Variants in RANBP2 observed in about 807,000 individuals in gnomAD.
RANBP2 encodes the protein RAN binding protein 2.
RANBP2 carries 57 observed loss-of-function variants against 303.6 expected under a neutral mutation model. The ratio of observed to expected loss-of-function variants is 0.19; its 90% CI spans 0.15 to 0.23. The LOEUF is 0.23. RANBP2 is among the 10% of genes least tolerant of loss of function. RANBP2 has a pLI of 1.00. For synonymous variants in RANBP2, 1,167 were observed against 1,301.5 expected (o/e 0.90, Z 2.23); for missense variants, 3,138 against 3,780.8 (o/e 0.83, Z 4.46).
the RANBP2 span, among the ~76,000 whole-genome samples, chr2:108,958,604 C>A: frequency 9.2e-5 from 14 of 152,268 alleles, no homozygotes; most frequent in South Asian, 2.1e-3. Flanking sequence ...CGCCCTATTG[C>A]TCGGGACAGC....
chr2:109,428,170 A>C, the RANBP2 span, among the ~76,000 whole-genome samples: 2 of 152,340 alleles, frequency 1.3e-5, no homozygotes, highest in Middle Eastern at 3.4e-3. Context: ...CCCTGGGAGA[A>C]AAGTAGAAGT....
the RANBP2 span, among the ~76,000 whole-genome samples, chr2:109,372,787 T>TC: frequency 1.3e-5 from 2 of 152,004 alleles, no homozygotes; most frequent in South Asian, 2.1e-4. Flanking sequence ...GCTCCATGTG[T>TC]CCCCCCTGCC....
chr2:109,428,118 G>A, the RANBP2 span, among the ~76,000 whole-genome samples: 1 of 152,230 alleles, frequency 6.6e-6, no homozygotes. Flanking sequence ...GATGGAAGAG[G>A]TGAGGAGGAA....
chr2:108,898,123 C>G, the RANBP2 span, among the ~76,000 whole-genome samples: 4,346 of 152,252 alleles, frequency 0.029, 195 homozygotes, highest in African/African-American at 0.1. Flanking sequence ...AATAATTGCT[C>G]TATTCCAGCC....
At chr2:108,965,715 T>A in the RANBP2 span, among the ~76,000 whole-genome samples, 4 of 151,816 alleles carry the variant, frequency 2.6e-5, no homozygotes. Context: ...GTAATTGGGG[T>A]TTGATGTAGG....
At chr2:108,837,321 A>G in the RANBP2 span, among the ~76,000 whole-genome samples, 1 of 152,192 alleles carries the variant, frequency 6.6e-6, no homozygotes, top group South Asian at 2.1e-4. Flanking sequence ...CATTTTGTTA[A>G]AATGGTATAT....
the RANBP2 span, among the ~76,000 whole-genome samples, chr2:109,586,295 A>C: frequency 3.9e-5 from 6 of 152,216 alleles, no homozygotes; most frequent in Non-Finnish European, 5.9e-5. Context: ...TACTGGTAAC[A>C]ATTACAAGCA....
rs1379090552 is a variant in RANBP2 at position 108,765,863 on chromosome 2, T to A, written c.5324T>A (p.Phe1775Tyr). The A allele has an allele frequency of 1.2e-6, 2 of 1,613,960 alleles. No individual in the cohort carries two copies. Among genetic ancestry groups the A allele is most frequent in the Non-Finnish European group, 1.7e-6 (2 of 1,180,000 alleles). ...SEISKAPKSG[F>Y]EGMFIRKGQW... ...ATAAGCAAGGCTCCAAAGAGTGGAT[T>A]TGAAGGAATGTTCATCAGGAAAGGA... Residue 1775 changes from phenylalanine to tyrosine, a missense_variant, in exon 20 of 29, where the codon TTT becomes TAT. By Grantham distance (22) the Phe-to-Tyr change is conservative (BLOSUM62 3). Coordinates refer to ENST00000283195, the MANE Select transcript of RANBP2 (RefSeq NM_006267.5).
At chr2:108,959,331 A>G in the RANBP2 span, among the ~76,000 whole-genome samples, 206 of 152,268 alleles carry the variant, frequency 1.4e-3, 2 homozygotes, top group African/African-American at 4.7e-3. Flanking sequence ...CTGGTGTTGG[A>G]GATTTGTTTT....
At chr2:109,034,732 T>C in the RANBP2 span, among the ~76,000 whole-genome samples, 3 of 152,194 alleles carry the variant, frequency 2.0e-5, no homozygotes, top group African/African-American at 7.2e-5. Context: ...AGGGGGGTGG[T>C]ACCCCATTCT....
At chr2:109,489,790 T>G in the RANBP2 span, among the ~76,000 whole-genome samples, 9 of 151,668 alleles carry the variant, frequency 5.9e-5, no homozygotes, top group Non-Finnish European at 1.0e-4. Flanking sequence ...CAGGCTGGAG[T>G]GCAGTGGCGC....
chr2:109,652,276 G>A, the RANBP2 span, among the ~76,000 whole-genome samples: 280 of 151,322 alleles, frequency 1.9e-3, no homozygotes, highest in Non-Finnish European at 3.2e-3. Flanking sequence ...AGTCTGGAGC[G>A]CAGTGGCGCC....
At chr2:108,796,528 C>T in the RANBP2 span, among the ~76,000 whole-genome samples, 17 of 152,292 alleles carry the variant, frequency 1.1e-4, no homozygotes, top group African/African-American at 4.1e-4. Context: ...TACCTGCACT[C>T]CCTTGTTCAT....
the RANBP2 span, among the ~76,000 whole-genome samples, chr2:108,815,160 T>C: frequency 6.6e-6 from 1 of 152,182 alleles, no homozygotes; most frequent in Non-Finnish European, 1.5e-5. Context: ...TTGAATGATA[T>C]ACTGGAAAGA....
At chr2:109,162,780 T>C in the RANBP2 span, among the ~76,000 whole-genome samples, 1 of 152,266 alleles carries the variant, frequency 6.6e-6, no homozygotes, top group African/African-American at 2.4e-5. Context: ...TTTCTAGTTC[T>C]AGATCCCCGA....
chr2:109,189,294 G>A, the RANBP2 span, among the ~76,000 whole-genome samples: 1 of 151,922 alleles, frequency 6.6e-6, no homozygotes, highest in South Asian at 2.1e-4. Flanking sequence ...CATTCTGATT[G>A]TCAGGCTCCA....
At chr2:109,660,332 G>A in the RANBP2 span, among the ~76,000 whole-genome samples, 1 of 152,212 alleles carries the variant, frequency 6.6e-6, no homozygotes, top group African/African-American at 2.4e-5. Flanking sequence ...AATGGGACAT[G>A]TCTAGAGGGT....
chr2:109,258,621 C>A, the RANBP2 span, among the ~76,000 whole-genome samples: 1 of 152,248 alleles, frequency 6.6e-6, no homozygotes, highest in Admixed American at 6.5e-5. Context: ...GCTGGCTGTG[C>A]TCCTAACATC....
At chr2:108,992,244 C>T in the RANBP2 span, among the ~76,000 whole-genome samples, 3 of 152,210 alleles carry the variant, frequency 2.0e-5, no homozygotes, top group African/African-American at 7.2e-5. Context: ...ACGTCTTCTA[C>T]GTGCCGGTAC....
Sources: allele counts gnomAD v4.1 joint callset (sites outside exome capture counted in the v4.1 genomes callset), GRCh38; gene constraint gnomAD v4.1.1; transcripts MANE v1.5; gene names NCBI Gene and HGNC (gene_info 2026-07-23, HGNC 2026-07-21).